The following RBFOX3 variants were observed in gnomAD, a reference collection of about 807,000 sequenced individuals.
RBFOX3 encodes the protein RNA binding protein fox-1 homolog 3.
A neutral mutation model predicts 48.7 loss-of-function variants in RBFOX3; 17 were observed. That is an observed-to-expected ratio of 0.35 (90% CI 0.24 to 0.52). The LOEUF (loss-of-function observed/expected upper bound fraction) is 0.52, where lower values mean the gene tolerates loss of function less well. Among genes scored for constraint, RBFOX3 ranks in the 20% least tolerant of loss-of-function variants. The pLI is 0.94. For synonymous variants in RBFOX3, 212 were observed against 209.5 expected (o/e 1.01, Z -0.10); for missense variants, 382 against 497.5 (o/e 0.77, Z 2.21).
At chr17:79,470,109 G>A (rs1484827424) in intron 2 of RBFOX3, among the ~76,000 whole-genome samples, 6 of 152,204 alleles carry the variant, frequency 3.9e-5, no homozygotes, top group Middle Eastern at 3.4e-3. Flanking sequence ...TCATCCTTAC[G>A]TTCAGCTCCA....
At chr17:79,340,867 T>A (rs1157379793) in intron 2 of RBFOX3, among the ~76,000 whole-genome samples, 3 of 152,218 alleles carry the variant, frequency 2.0e-5, no homozygotes, top group African/African-American at 7.2e-5. Flanking sequence ...ACTGTGGTAC[T>A]TGAATCAGAA....
chr17:79,565,513 G>C (rs2092424075), intron 1 of RBFOX3, among the ~76,000 whole-genome samples: 1 of 151,840 alleles, frequency 6.6e-6, no homozygotes, highest in South Asian at 2.1e-4. Flanking sequence ...TAATTTTTTT[G>C]TATTTTTAGT....
chr17:79,188,167 A>G (rs1276952308), intron 4 of RBFOX3, among the ~76,000 whole-genome samples: 2 of 152,154 alleles, frequency 1.3e-5, no homozygotes, highest in Admixed American at 1.3e-4. Context: ...GCCCACTCAC[A>G]CCACCTTCAC....
intron 4 of RBFOX3, among the ~76,000 whole-genome samples, chr17:79,225,174 A>G (rs2060168768): frequency 6.6e-6 from 1 of 151,950 alleles, no homozygotes; most frequent in African/African-American, 2.4e-5. Context: ...CATGGCTTGC[A>G]CAGTCAACCT....
rs115928974 is a variant in RBFOX3, at chr17:79,374,239, C to T, written c.-174-66415G>A. On this transcript the variant is annotated intron_variant, in intron 2 of 14. Coordinates refer to ENST00000693108, the MANE Select transcript of RBFOX3 (RefSeq NM_001350451.2). ...AGATTCCAGGGAGAGGAGGGGCTGA[C>T]GAGGAGAGTGGGCGTGAGAGAAGTA... Among the ~76,000 whole-genome samples, 680 of 152,186 alleles carry T rather than the reference C, an allele frequency of 4.5e-3. 4 individuals carry two copies. Among genetic ancestry groups the T allele is most frequent in the African/African-American group, 0.015 (640 of 41,506 alleles).
intron 2 of RBFOX3, among the ~76,000 whole-genome samples, chr17:79,455,566 C>G (rs2074328445): frequency 6.6e-6 from 1 of 152,072 alleles, no homozygotes; most frequent in African/African-American, 2.4e-5. Flanking sequence ...AGGGGGAGGC[C>G]AGGCACACGG....
the RBFOX3 span, among the ~76,000 whole-genome samples, chr17:79,617,534 G>A: frequency 2.0e-5 from 3 of 152,070 alleles, no homozygotes; most frequent in African/African-American, 7.2e-5. Flanking sequence ...GTGGCCCCGT[G>A]GCCAAGTCCC....
chr17:79,467,235 G>A (rs2076436612), intron 2 of RBFOX3, among the ~76,000 whole-genome samples: 2 of 152,044 alleles, frequency 1.3e-5, no homozygotes, highest in African/African-American at 4.8e-5. Flanking sequence ...TGCTTCCCAT[G>A]GAAACCTCTC....
chr17:79,645,106 A>T, the RBFOX3 span, among the ~76,000 whole-genome samples: 6,375 of 152,178 alleles, frequency 0.042, 164 homozygotes, highest in Non-Finnish European at 0.065. Context: ...TTCTGCCACC[A>T]CTGCTCAGAC....
chr17:79,472,741 C>T (rs920020972), intron 2 of RBFOX3, among the ~76,000 whole-genome samples: 116 of 152,336 alleles, frequency 7.6e-4, no homozygotes, highest in African/African-American at 2.7e-3. Flanking sequence ...CCTCCATTCT[C>T]AAGCGAGGAC....
chr17:79,536,445 G>A (rs1481851342), intron 1 of RBFOX3, among the ~76,000 whole-genome samples: 1 of 152,252 alleles, frequency 6.6e-6, no homozygotes, highest in Non-Finnish European at 1.5e-5. Context: ...GTGTGTTCCA[G>A]TAAAATACAG....
At chr17:79,632,575 C>T in the RBFOX3 span, among the ~76,000 whole-genome samples, 1 of 152,038 alleles carries the variant, frequency 6.6e-6, no homozygotes, top group Non-Finnish European at 1.5e-5. Flanking sequence ...ATCCGGAAGC[C>T]AGTGCTCTTC....
chr17:79,665,539 T>C, the RBFOX3 span, among the ~76,000 whole-genome samples: 1 of 152,294 alleles, frequency 6.6e-6, no homozygotes, highest in Middle Eastern at 3.4e-3. Flanking sequence ...GCCTTGTGCC[T>C]CTGGCTCTGA....
At chr17:79,432,087 G>A (rs1400005751) in intron 2 of RBFOX3, among the ~76,000 whole-genome samples, 1 of 152,210 alleles carries the variant, frequency 6.6e-6, no homozygotes, top group Non-Finnish European at 1.5e-5. Flanking sequence ...GAGGCATCAC[G>A]TTTTCTGGCT....
chr17:79,611,671 C>T (rs1004828715), upstream of RBFOX3, among the ~76,000 whole-genome samples: 75 of 152,236 alleles, frequency 4.9e-4, no homozygotes, highest in African/African-American at 1.7e-3. Context: ...GCATCAGGGA[C>T]GAATGCCACC....
At chr17:79,663,102 C>T in the RBFOX3 span, among the ~76,000 whole-genome samples, 1 of 152,174 alleles carries the variant, frequency 6.6e-6, no homozygotes, top group African/African-American at 2.4e-5. Context: ...TGATTAGCCA[C>T]TAATTAGTCT....
chr17:79,636,264 G>T, the RBFOX3 span, among the ~76,000 whole-genome samples: 48 of 151,964 alleles, frequency 3.2e-4, no homozygotes, highest in African/African-American at 1.0e-3. Context: ...AGAGAAAAAG[G>T]GATTATAAAG....
chr17:79,338,298 T>C (rs1209988643), intron 2 of RBFOX3, among the ~76,000 whole-genome samples: 1 of 152,144 alleles, frequency 6.6e-6, no homozygotes, highest in African/African-American at 2.4e-5. Context: ...ATCCTTCCAA[T>C]TGTCACCTGC....
chr17:79,317,149 CAA>C (rs910925173), intron 2 of RBFOX3, among the ~76,000 whole-genome samples: 1 of 152,106 alleles, frequency 6.6e-6, no homozygotes, highest in African/African-American at 2.4e-5. Flanking sequence ...CTCATTCAGA[CAA>C]AGAGGTGCAG....
Sources: gnomAD v4.1 joint callset for allele counts (sites outside exome capture counted in the v4.1 genomes callset) on GRCh38, gnomAD v4.1.1 for gene constraint, MANE v1.5 for transcripts, NCBI Gene and HGNC (gene_info 2026-07-23, HGNC 2026-07-21) for gene names.